The following MICAL3 variants were observed in gnomAD, a reference collection of about 807,000 sequenced individuals.
The protein encoded by MICAL3 is [F-actin]-monooxygenase MICAL3.
A neutral mutation model predicts 207.4 loss-of-function variants in MICAL3; 62 were observed. The ratio of observed to expected loss-of-function variants is 0.30; its 90% CI spans 0.24 to 0.37. The LOEUF (loss-of-function observed/expected upper bound fraction) is 0.37, where lower values mean the gene tolerates loss of function less well. MICAL3 is among the 10% of genes least tolerant of loss of function. MICAL3 has a pLI of 1.00. For synonymous variants in MICAL3, 1,077 were observed against 1,069.3 expected (o/e 1.01, Z -0.14); for missense variants, 2,368 against 2,635.6 (o/e 0.90, Z 2.22).
intron 19 of MICAL3, among the ~76,000 whole-genome samples, chr22:17,857,652 A>G (rs1205604216): frequency 6.6e-6 from 1 of 152,220 alleles, no homozygotes; most frequent in Non-Finnish European, 1.5e-5. Flanking sequence ...AAGAAAACAC[A>G]AGAGGCCAAG....
chr22:18,011,484 G>GTTGCGGTGAGCCGAGATCAC (rs1923723834), intron 1 of MICAL3, among the ~76,000 whole-genome samples: 1 of 152,090 alleles, frequency 6.6e-6, no homozygotes, highest in African/African-American at 2.4e-5. Context: ...GGAGGCGGAG[G>GTTGCGGTGAGCCGAGATCAC]TTGCGGTGAG....
At chr22:17,976,535 ATGTGTGTGTGTG>A (rs148517944) in intron 1 of MICAL3, among the ~76,000 whole-genome samples, 90 of 97,046 alleles carry the variant, frequency 9.3e-4, no homozygotes, top group Non-Finnish European at 1.2e-3. Context: ...GTGTATATAT[ATGTGTGTGTGTG>A]TGTGTGTGTG....
intron 1 of MICAL3, among the ~76,000 whole-genome samples, chr22:17,949,267 C>T (rs396012): frequency 0.23 from 34,640 of 152,126 alleles, 4,553 homozygotes; most frequent in East Asian, 0.52. Flanking sequence ...ATCCAACTAA[C>T]GTAACTGAAC....
Position 17,895,343 on chromosome 22 carries a change from T to C in MICAL3, c.1390A>G (p.Ser464Gly), listed in dbSNP as rs370442398. The change falls in exon 10 of 32, where the codon AGT becomes GGT. Residue 464 changes from serine to glycine, a missense_variant. Ser to Gly is a moderately conservative substitution (Grantham distance 56). This residue lies in a region of MICAL3 where 147 missense variants were observed against 137.7 expected (regional missense o/e 1.07). Coordinates refer to ENST00000441493, the MANE Select transcript of MICAL3 (RefSeq NM_015241.3). ...GGATACCGAGTGACAGGGTCGATAC[T>C]GTACTGGCTGAAGTTCTTACTCACA... ...ENVSKNFSQY[S>G]IDPVTRYPNI... The C allele has an allele frequency of 2.0e-5, 33 of 1,613,736 alleles. No homozygotes were observed. The highest frequency in any genetic ancestry group is 1.7e-5 in the Non-Finnish European group (20 of 1,179,832).
At chr22:17,933,868 T>C (rs1933389731) in intron 1 of MICAL3, among the ~76,000 whole-genome samples, 1 of 151,996 alleles carries the variant, frequency 6.6e-6, no homozygotes, top group Non-Finnish European at 1.5e-5. Flanking sequence ...AACTAGAAAA[T>C]CTAGAAGAAA....
intron 1 of MICAL3, among the ~76,000 whole-genome samples, chr22:17,962,939 G>A (rs1934978167): frequency 3.9e-5 from 6 of 151,962 alleles, no homozygotes; most frequent in Admixed American, 3.9e-4. Flanking sequence ...AAATTTTAGA[G>A]ACAGGGTCTC....
chr22:17,873,999 T>G (rs1253832657), intron 16 of MICAL3, among the ~76,000 whole-genome samples: 3 of 152,174 alleles, frequency 2.0e-5, no homozygotes, highest in Non-Finnish European at 4.4e-5. Context: ...AACAGCCCCC[T>G]TAGGACATGG....
At chr22:17,993,209 T>C (rs546261835) in intron 1 of MICAL3, among the ~76,000 whole-genome samples, 4 of 152,252 alleles carry the variant, frequency 2.6e-5, no homozygotes, top group African/African-American at 9.6e-5. Flanking sequence ...GTTCCATAAG[T>C]TCATGTGCCA....
At chr22:17,805,254 T>A (rs530517872) in intron 29 of MICAL3, among the ~76,000 whole-genome samples, 15 of 152,140 alleles carry the variant, frequency 9.9e-5, no homozygotes, top group African/African-American at 3.6e-4. Context: ...GCCACAAGAC[T>A]AAGAAGAGGA....
intron 1 of MICAL3, among the ~76,000 whole-genome samples, chr22:17,916,007 T>C (rs1932477067): frequency 7.7e-6 from 1 of 130,532 alleles, no homozygotes; most frequent in African/African-American, 2.9e-5. Context: ...CAGTGAACCA[T>C]GGTTGCACCA....
At chr22:18,004,076 A>G (rs1401788465) in intron 1 of MICAL3, among the ~76,000 whole-genome samples, 1 of 151,192 alleles carries the variant, frequency 6.6e-6, no homozygotes, top group Non-Finnish European at 1.5e-5. Context: ...CCCCTGGGAT[A>G]GCCTTTCTAA....
chr22:17,827,833 G>A, intron 21 of MICAL3, 52 bp from the exon 22 acceptor site: 1 of 1,504,524 alleles, frequency 6.6e-7, no homozygotes, highest in Non-Finnish European at 8.9e-7. Context: ...AGGAGGGGAT[G>A]AAATAGCATG....
chr22:17,950,569 T>G (rs1934297173), intron 1 of MICAL3, among the ~76,000 whole-genome samples: 1 of 152,062 alleles, frequency 6.6e-6, no homozygotes, highest in Non-Finnish European at 1.5e-5. Context: ...ACTCCTGACC[T>G]CAAGTGATCC....
intron 1 of MICAL3, among the ~76,000 whole-genome samples, chr22:17,916,353 TC>T (rs1932516660): frequency 6.6e-6 from 1 of 152,112 alleles, no homozygotes; most frequent in Non-Finnish European, 1.5e-5. Context: ...GCAGTGATCC[TC>T]CCTCACCCCA....
intron 17 of MICAL3, among the ~76,000 whole-genome samples, chr22:17,866,724 G>C (rs938744030): frequency 6.6e-6 from 1 of 152,022 alleles, no homozygotes. Context: ...AGAATAAAAC[G>C]TTATTTCTTG....
At chr22:17,984,554 C>T (rs934030519) in intron 1 of MICAL3, among the ~76,000 whole-genome samples, 6 of 151,328 alleles carry the variant, frequency 4.0e-5, no homozygotes, top group Admixed American at 2.0e-4. Flanking sequence ...CCCCACGCCC[C>T]ACCCAGTCAC....
chr22:17,901,284 G>A (rs867934914), intron 5 of MICAL3, among the ~76,000 whole-genome samples: 1 of 152,134 alleles, frequency 6.6e-6, no homozygotes, highest in Non-Finnish European at 1.5e-5. Flanking sequence ...TGCGTGGGGG[G>A]AGCACCTGCT....
intron 17 of MICAL3, among the ~76,000 whole-genome samples, chr22:17,867,941 T>C (rs1170102872): frequency 6.6e-6 from 1 of 152,252 alleles, no homozygotes; most frequent in Non-Finnish European, 1.5e-5. Flanking sequence ...TCTTAAAGTA[T>C]AACTCAATTG....
At chr22:17,887,513 G>T (rs997093241) in intron 13 of MICAL3, 78 bp from the exon 14 acceptor site, 1 of 898,882 alleles carries the variant, frequency 1.1e-6, no homozygotes, top group East Asian at 2.6e-5. Flanking sequence ...ACTCTCCCTC[G>T]TGGATGGTTC....
Sources: gnomAD v4.1 joint callset for allele counts (sites outside exome capture counted in the v4.1 genomes callset) on GRCh38, gnomAD v4.1.1 for gene constraint, gnomAD v4.1.1 regional missense constraint, MANE v1.5 for transcripts, NCBI Gene and HGNC (gene_info 2026-07-23, HGNC 2026-07-21) for gene names.